Variants in ARHGAP39 observed in about 807,000 individuals in gnomAD.
ARHGAP39 encodes rho GTPase-activating protein 39.
In ARHGAP39, 44 loss-of-function variants were observed where a neutral mutation model predicts 106.9. The ratio of observed to expected loss-of-function variants is 0.41; its 90% CI spans 0.32 to 0.53. The LOEUF (loss-of-function observed/expected upper bound fraction) is 0.53. ARHGAP39 is among the 20% of genes least tolerant of loss of function. The pLI, the probability that ARHGAP39 is intolerant of heterozygous loss-of-function variation, is 0.21. For synonymous variants in ARHGAP39, 768 were observed against 693.2 expected (o/e 1.11, Z -1.69); for missense variants, 1,496 against 1,577.3 (o/e 0.95, Z 0.87).
chr8:144,694,449 C>G, the ARHGAP39 span, among the ~76,000 whole-genome samples: 1 of 152,222 alleles, frequency 6.6e-6, no homozygotes, highest in Non-Finnish European at 1.5e-5. Context: ...AGCCCAAGGA[C>G]AGGTGCATTT....
At chr8:144,667,995 T>A (rs1014762779) in intron 1 of ARHGAP39, among the ~76,000 whole-genome samples, 6 of 151,782 alleles carry the variant, frequency 4.0e-5, no homozygotes, top group African/African-American at 1.5e-4. Flanking sequence ...TGCCAGTATG[T>A]GCTTCATGGA....
chr8:144,533,441 C>A, intron 8 of ARHGAP39, 116 bp from the exon 9 acceptor site: 1 of 1,036,894 alleles, frequency 9.6e-7, no homozygotes. Context: ...AATTCCTGCC[C>A]CACACACCTG....
chr8:144,642,944 T>C (rs1476521058), intron 1 of ARHGAP39, among the ~76,000 whole-genome samples: 1 of 151,460 alleles, frequency 6.6e-6, no homozygotes, highest in African/African-American at 2.4e-5. Flanking sequence ...GCACAGGAGA[T>C]TGAGGCTGCC....
intron 2 of ARHGAP39, among the ~76,000 whole-genome samples, chr8:144,593,926 T>C (rs1819500980): frequency 6.6e-6 from 1 of 151,866 alleles, no homozygotes; most frequent in East Asian, 1.9e-4. Flanking sequence ...CCATCTCTAC[T>C]AAAAATATAA....
rs1404498779 is a variant in ARHGAP39 at position 144,641,126 on chromosome 8, C to A, written c.-81-35431G>T. 6.6e-6 allele frequency among the ~76,000 whole-genome samples: 1 copy of A among 152,098 alleles called. No homozygotes were observed. Among genetic ancestry groups the A allele is most frequent in the Non-Finnish European group, 1.5e-5 (1 of 68,022 alleles). ...GCAGAGGTGTTCCAGGAGGTGACAT[C>A]TGAAAGCTTTCATCCACCATCCACC... On this transcript the variant is annotated intron_variant, in intron 1 of 11. Transcript: ENST00000377307. The surrounding 1 kb of genome is among the most constrained non-coding windows in gnomAD (Gnocchi z 5.2).
chr8:144,658,305 G>A (rs1395517388), intron 1 of ARHGAP39, among the ~76,000 whole-genome samples: 1 of 146,388 alleles, frequency 6.8e-6, no homozygotes, highest in East Asian at 2.0e-4. Flanking sequence ...ACAGAGCTTT[G>A]CTCTTGTTGC....
In ARHGAP39 at chr8:144,562,484, GCACTCCAGTGGTTTCCATCGGACT is replaced by G. The variant is rs1564849425; in HGVS notation, c.513-6865_513-6842del. Among the ~76,000 whole-genome samples the G allele has an allele frequency of 8.2e-5, 10 of 122,306 alleles. No homozygotes were observed. The East Asian group carries it at 8.9e-4, about 11-fold the overall frequency. 80.2% of individuals were successfully genotyped at this position (122,306 alleles called of 152,430 possible). A position where few individuals can be genotyped will look rare whatever the true frequency, so the allele number is the denominator to read the frequency against. On this transcript the variant is annotated intron_variant, in intron 3 of 11. Coordinates refer to ENST00000377307, the MANE Select transcript of ARHGAP39 (RefSeq NM_025251.3). ...CCATCGCACTCCAGTGGTTTCCATC[GCACTCCAGTGGTTTCCATCGGACT>G]CACTCCAGTGGTTTCCATCGGACTC...
upstream of ARHGAP39, among the ~76,000 whole-genome samples, chr8:144,687,948 CATTT>C: frequency 7.3e-6 from 1 of 136,946 alleles, no homozygotes; most frequent in Middle Eastern, 3.9e-3. Flanking sequence ...CGTGACCACA[CATTT>C]ACAGTGAGCA....
the ARHGAP39 span, chr8:144,699,012 GC>G: frequency 2.6e-6 from 1 of 383,242 alleles, no homozygotes; most frequent in Non-Finnish European, 5.2e-6. Context: ...ATAGCATTCT[GC>G]CTAAAAAAGC....
chr8:144,656,578 G>A (rs1204653167), intron 1 of ARHGAP39, among the ~76,000 whole-genome samples: 2 of 151,920 alleles, frequency 1.3e-5, no homozygotes, highest in African/African-American at 4.8e-5. Flanking sequence ...TGTGGTGGGC[G>A]GATCACCCAC....
chr8:144,606,814 G>A (rs1409548951), intron 1 of ARHGAP39, among the ~76,000 whole-genome samples: 6 of 152,130 alleles, frequency 3.9e-5, no homozygotes, highest in Admixed American at 1.3e-4. Flanking sequence ...TGCACTGTAG[G>A]TCTAAATGTT....
At chr8:144,534,231 G>A (rs887301674) in intron 7 of ARHGAP39, 29 bp from the exon 8 acceptor site, 7 of 1,612,520 alleles carry the variant, frequency 4.3e-6, no homozygotes, top group African/African-American at 1.3e-5. Flanking sequence ...TGATCAGCCT[G>A]ATGTGGGTGT....
rs1021649510 is a variant in ARHGAP39, at chr8:144,529,767, ACT to A, written c.*653_*654del. 6.6e-6 allele frequency: 1 copy of A among 151,318 alleles called. No homozygotes were observed. The highest frequency in any genetic ancestry group is 2.4e-5 in the African/African-American group (1 of 41,102). The allele number at this position is 151,318 out of a possible 1,614,324, so 9.4% of individuals were successfully genotyped here. ...TTTACAGTTACACGAAGAAAAAAAT[ACT>A]CTCGCCCCTCCCCCACCCTGCCCCC... On this transcript the variant is annotated 3_prime_UTR_variant, in exon 12 of 12. Coordinates refer to ENST00000377307, the MANE Select transcript of ARHGAP39 (RefSeq NM_025251.3).
At chr8:144,532,068 C>T (rs1369161302) in intron 10 of ARHGAP39, among the ~76,000 whole-genome samples, 3 of 150,480 alleles carry the variant, frequency 2.0e-5, no homozygotes, top group Admixed American at 6.6e-5. Flanking sequence ...CAGAAGGGCA[C>T]AGGGCAGGGA....
chr8:144,600,980 G>A (rs1457483492), intron 2 of ARHGAP39, among the ~76,000 whole-genome samples: 2 of 148,608 alleles, frequency 1.3e-5, no homozygotes, highest in Non-Finnish European at 3.0e-5. Context: ...GTGCGTGGAG[G>A]TGTGTGTGCG....
intron 1 of ARHGAP39, among the ~76,000 whole-genome samples, chr8:144,629,513 G>T (rs1821009982): frequency 6.6e-6 from 1 of 152,256 alleles, no homozygotes. Flanking sequence ...AGTGTGAGGG[G>T]CTCATCCTGC....
intron 1 of ARHGAP39, among the ~76,000 whole-genome samples, chr8:144,624,565 C>T (rs555517127): frequency 2.2e-4 from 33 of 151,142 alleles, no homozygotes; most frequent in Admixed American, 4.6e-4. Context: ...CCCGGCGGCC[C>T]GGTTCACGGA....
intron 1 of ARHGAP39, among the ~76,000 whole-genome samples, chr8:144,608,181 A>AAAAAAAAAT (rs1243780533): frequency 6.8e-6 from 1 of 146,324 alleles, no homozygotes; most frequent in African/African-American, 2.6e-5. Context: ...AAAAAAAAAA[A>AAAAAAAAAT]GGAAAAAGAA....
Position 144,530,372 on chromosome 8 carries a change from C to A in ARHGAP39, c.*50G>T, listed in dbSNP as rs764923005. 1 of 1,529,970 alleles carries A rather than the reference C, an allele frequency of 6.5e-7. No individual in the cohort carries two copies. Among genetic ancestry groups the A allele is most frequent in the Non-Finnish European group, 8.8e-7 (1 of 1,130,694 alleles). The allele number at this position is 1,529,970 out of a possible 1,614,324, so 94.8% of individuals were successfully genotyped here. ...CTGCCGGGAGAGCGAGTGCGGAGTT[C>A]GGCCTGGCTGGGGGCGGCAGGACAT... On this transcript the variant is annotated 3_prime_UTR_variant, in exon 12 of 12. Coordinates refer to ENST00000377307, the MANE Select transcript of ARHGAP39 (RefSeq NM_025251.3).
Sources: gnomAD v4.1 joint callset for allele counts (sites outside exome capture counted in the v4.1 genomes callset) on GRCh38, gnomAD v4.1.1 for gene constraint, Gnocchi (gnomAD v3.1) non-coding constraint, MANE v1.5 for transcripts, NCBI Gene and HGNC (gene_info 2026-07-23, HGNC 2026-07-21) for gene names.